The following THOC5 variants were observed in gnomAD, a reference collection of about 807,000 sequenced individuals.
The protein encoded by THOC5 is Fms-interacting protein.
THOC5 carries 43 observed loss-of-function variants against 92.9 expected under a neutral mutation model. The ratio of observed to expected loss-of-function variants is 0.46; its 90% CI spans 0.36 to 0.60. The LOEUF (loss-of-function observed/expected upper bound fraction) is 0.60. THOC5 is among the 20% of genes least tolerant of loss of function. The probability of loss-of-function intolerance (pLI) is 0.00; values close to 1 mark genes in which losing one functional copy is unlikely to be tolerated. For missense variants in THOC5, 659 were observed against 849.4 expected (o/e 0.78, Z 2.79); for synonymous variants, 296 against 320.1 (o/e 0.92, Z 0.80).
At position 29,528,171 on chromosome 22, in the gene THOC5, G is replaced by A; in HGVS notation, c.973C>T (p.Arg325Trp). The change falls in exon 11 of 20, where the codon CGG becomes TGG. Residue 325 changes from arginine to tryptophan, a missense_variant. Coordinates refer to ENST00000490103, the MANE Select transcript of THOC5 (RefSeq NM_003678.5). The stretch of plus-strand genomic sequence containing the variant: ...AACTGAACCCCCAGTGTGGGTCTCC[G>A]GCGCTTCTGGACAAAGGAAAGTGCC... ...DAEEEQTTKR[R>W]RPTLGVQLDD... The A allele has an allele frequency of 1.2e-6, 2 of 1,614,064 alleles. No homozygotes were observed. Among genetic ancestry groups the A allele is most frequent in the Non-Finnish European group, 1.7e-6 (2 of 1,180,010 alleles).
intron 1 of THOC5, chr22:29,550,953 TC>T (rs748761466): frequency 6.6e-5 from 10 of 152,194 alleles, no homozygotes; most frequent in Non-Finnish European, 1.5e-4. Context: ...ATGCCAATGT[TC>T]CTTTGTAACA....
chr22:29,530,271 CTGGT>C (rs2063625776), intron 8 of THOC5, among the ~76,000 whole-genome samples: 1 of 151,844 alleles, frequency 6.6e-6, no homozygotes, highest in Non-Finnish European at 1.5e-5. Context: ...TGGCTCATGT[CTGGT>C]TGGGAGGCCA....
chr22:29,537,376 C>T (rs977058773), intron 6 of THOC5, among the ~76,000 whole-genome samples: 1 of 152,246 alleles, frequency 6.6e-6, no homozygotes, highest in Non-Finnish European at 1.5e-5. Context: ...AATGGTGGCT[C>T]ATGCCTGTAA....
chr22:29,521,001 A>T lies in THOC5; in HGVS notation c.1274T>A (p.Val425Asp). ...GAGGAGGAAACTGCTGACTCACCCA[A>T]CTTTATCAAACTGATACTGATTGGC... Reference protein sequence around the residue: ...NPANQYQFDKVGILTLSDYVL... With the variant: ...NPANQYQFDKDGILTLSDYVL... Residue 425 changes from valine to aspartate, a missense_variant, in exon 13 of 20, where the codon GTT becomes GAT. Transcript: ENST00000490103. 1 of 1,613,642 alleles carries T rather than the reference A, an allele frequency of 6.2e-7. No homozygotes were observed. Among genetic ancestry groups the T allele is most frequent in the East Asian group, 2.2e-5 (1 of 44,876 alleles).
intron 2 of THOC5, among the ~76,000 whole-genome samples, chr22:29,546,840 C>G (rs1471944594): frequency 6.8e-6 from 1 of 147,850 alleles, no homozygotes; most frequent in Non-Finnish European, 1.5e-5. Flanking sequence ...ACCCAAGTCA[C>G]TTCTTTTTTT....
At chr22:29,522,019 C>A (rs1279654643) in intron 12 of THOC5, among the ~76,000 whole-genome samples, 1 of 152,032 alleles carries the variant, frequency 6.6e-6, no homozygotes, top group Non-Finnish European at 1.5e-5. Flanking sequence ...TCTTTGCCCC[C>A]TTCACCACCT....
intron 3 of THOC5, among the ~76,000 whole-genome samples, chr22:29,543,840 A>T (rs1463939930): frequency 6.6e-6 from 1 of 152,226 alleles, no homozygotes; most frequent in Non-Finnish European, 1.5e-5. Context: ...CAGCAATAGT[A>T]ACATCTTGTC....
intron 7 of THOC5, chr22:29,536,390 A>G (rs2063760596): frequency 4.0e-6 from 2 of 495,094 alleles, no homozygotes; most frequent in Non-Finnish European, 7.2e-6. Flanking sequence ...CGTTACCCAG[A>G]GAAGGCCTCT....
chr22:29,515,161 C>A (rs967955815), intron 17 of THOC5, among the ~76,000 whole-genome samples: 4 of 152,058 alleles, frequency 2.6e-5, no homozygotes, highest in Non-Finnish European at 5.9e-5. Context: ...CCTGCCTCAG[C>A]CTCCTGAGTA....
intron 12 of THOC5, among the ~76,000 whole-genome samples, chr22:29,521,849 T>C (rs892074173): frequency 1.3e-5 from 2 of 152,082 alleles, no homozygotes; most frequent in African/African-American, 4.8e-5. Flanking sequence ...CAAAGGGGGT[T>C]CTCCTTCATC....
chr22:29,553,520 G>A (rs469189), intron 1 of THOC5, 151 bp downstream of exon 1: 22,373 of 152,602 alleles, frequency 0.15, 1,702 homozygotes, highest in African/African-American at 0.17. Context: ...TAACAGCGCA[G>A]CGCCGAGAGG....
At position 29,543,477 on chromosome 22, in the gene THOC5, G is replaced by C; in HGVS notation, c.306C>G (p.Asn102Lys). 6.2e-7 allele frequency: 1 copy of C among 1,614,004 alleles called. No homozygotes were observed. The highest frequency in any genetic ancestry group is 8.5e-7 in the Non-Finnish European group (1 of 1,180,012). Residue 102 changes from asparagine (N) to lysine (K), a missense_variant, in exon 4 of 20, where the codon AAC (asparagine) becomes AAG (lysine). By Grantham distance (94) the Asn-to-Lys change is moderately conservative. Coordinates refer to ENST00000490103, the MANE Select transcript of THOC5 (RefSeq NM_003678.5). ...CVHFMTLKKL[N>K]RLAHIRLKKG... ...TCTTCAACCTGATGTGGGCTAATCGGTTAAGCTTCTTTAGAGTCATGAAAT... is the reference window on the plus strand; with the variant it reads ...TCTTCAACCTGATGTGGGCTAATCGCTTAAGCTTCTTTAGAGTCATGAAAT...
chr22:29,552,450 G>T (rs1341162535), intron 1 of THOC5, among the ~76,000 whole-genome samples: 1 of 148,996 alleles, frequency 6.7e-6, no homozygotes, highest in Non-Finnish European at 1.5e-5. Context: ...CCGTCTGGGA[G>T]GTGAGGAGCG....
intron 2 of THOC5, chr22:29,544,970 G>A: frequency 2.9e-6 from 1 of 344,816 alleles, no homozygotes; most frequent in Admixed American, 4.0e-5. Flanking sequence ...GTGCTGTTAA[G>A]TGCAACTTCC....
chr22:29,531,375 G>C, intron 8 of THOC5: 4 of 985,386 alleles, frequency 4.1e-6, no homozygotes. Flanking sequence ...GCTTAATGAG[G>C]ACATATCATC....
chr22:29,532,106 C>T (rs368008104), intron 7 of THOC5, 143 bp from the exon 8 acceptor site: 141 of 992,306 alleles, frequency 1.4e-4, no homozygotes, highest in Non-Finnish European at 1.8e-4. Context: ...AAAAGCTCAA[C>T]GTAAACAAAA....
In THOC5 at chr22:29,543,561, G is replaced by A. The variant is rs1348351238; in HGVS notation, c.241-19C>T. On this transcript the variant is annotated intron_variant, in intron 3 of 19. Transcript: ENST00000490103. ...CTATTGCCTGTGGGCAAAGAAAACA[G>A]TAAAGCCCACTGACGACAGGGCTAG... 6.3e-7 allele frequency: 1 copy of A among 1,593,660 alleles called. No homozygotes were observed. The highest frequency in any genetic ancestry group is 2.2e-5 in the East Asian group (1 of 44,764).
rs958038558 is a variant in THOC5 at position 29,540,599 on chromosome 22, T to C, written c.453-1123A>G. Among the ~76,000 whole-genome samples the C allele has an allele frequency of 2.6e-4, 39 of 152,252 alleles. 1 individual carries two copies. Among genetic ancestry groups the C allele is most frequent in the Admixed American group, 1.3e-4 (2 of 15,280 alleles). On this transcript the variant is annotated intron_variant, in intron 5 of 19. Transcript: ENST00000490103. ...GCCTCCCAACAGGCGCAAGTTCCAC[T>C]GTATTCTGGGTTTGTCAGTTTCCAT... is the stretch of plus-strand genomic sequence containing the variant.
At chr22:29,550,638 C>T (rs914611179) in intron 1 of THOC5, 1 of 152,196 alleles carries the variant, frequency 6.6e-6, no homozygotes, top group African/African-American at 2.4e-5. Context: ...CTCCATTCTA[C>T]TCTTTCATGG....
Sources: allele counts gnomAD v4.1 joint callset (sites outside exome capture counted in the v4.1 genomes callset), GRCh38; gene constraint gnomAD v4.1.1; transcripts MANE v1.5; gene names NCBI Gene and HGNC (gene_info 2026-07-23, HGNC 2026-07-21).